The following SCHIP1 variants were observed in gnomAD, a reference collection of about 807,000 sequenced individuals.
SCHIP1 encodes schwannomin-interacting protein 1.
Under a neutral mutation model 29.7 loss-of-function variants are expected in SCHIP1, and 8 were observed. That is an observed-to-expected ratio of 0.27 (90% CI 0.16 to 0.49). The LOEUF (loss-of-function observed/expected upper bound fraction) is 0.49. Among genes scored for constraint, SCHIP1 ranks in the 20% least tolerant of loss-of-function variants. The pLI, the probability that SCHIP1 is intolerant of heterozygous loss-of-function variation, is 0.99. For missense variants in SCHIP1, 193 were observed against 294.6 expected, an observed-to-expected ratio of 0.66 and a Z score of 2.52; for synonymous variants, 76 against 94.9, an observed-to-expected ratio of 0.80 and a Z score of 1.16.
chr3:159,447,578 G>A, the SCHIP1 span, among the ~76,000 whole-genome samples: 2 of 152,124 alleles, frequency 1.3e-5, no homozygotes, highest in Admixed American at 1.3e-4. Context: ...CCATATGATT[G>A]ACAGGTATTA....
At chr3:159,325,822 T>C in the SCHIP1 span, among the ~76,000 whole-genome samples, 1 of 152,078 alleles carries the variant, frequency 6.6e-6, no homozygotes, top group Non-Finnish European at 1.5e-5. Context: ...TCTTAGTGTT[T>C]CTGATTTTGA....
the SCHIP1 span, among the ~76,000 whole-genome samples, chr3:159,592,241 A>G: frequency 6.6e-6 from 1 of 152,114 alleles, no homozygotes; most frequent in Non-Finnish European, 1.5e-5. Flanking sequence ...GGATCCATGA[A>G]AATCTGTAAT....
chr3:159,616,294 G>A, the SCHIP1 span, among the ~76,000 whole-genome samples: 1 of 152,156 alleles, frequency 6.6e-6, no homozygotes, highest in Non-Finnish European at 1.5e-5. Context: ...TAGAGACGGG[G>A]CTTCACCACG....
chr3:159,566,232 CCT>C, the SCHIP1 span, among the ~76,000 whole-genome samples: 5 of 152,288 alleles, frequency 3.3e-5, no homozygotes, highest in African/African-American at 1.2e-4. Flanking sequence ...GTCTCAGTTT[CCT>C]CTCAGTGCAC....
At chr3:159,697,464 C>T in the SCHIP1 span, among the ~76,000 whole-genome samples, 1 of 151,970 alleles carries the variant, frequency 6.6e-6, no homozygotes, top group African/African-American at 2.4e-5. Context: ...GGATATAATC[C>T]CATTAAGCTA....
the SCHIP1 span, among the ~76,000 whole-genome samples, chr3:159,349,249 C>T: frequency 6.6e-6 from 1 of 152,166 alleles, no homozygotes; most frequent in African/African-American, 2.4e-5. Flanking sequence ...TTTATTTTCA[C>T]CCATGTCGTG....
At chr3:159,801,960 G>A in the SCHIP1 span, among the ~76,000 whole-genome samples, 67 of 152,226 alleles carry the variant, frequency 4.4e-4, no homozygotes, top group African/African-American at 1.6e-3. Context: ...GTCATTATAA[G>A]TGTGATTGAC....
the SCHIP1 span, among the ~76,000 whole-genome samples, chr3:159,576,519 T>C: frequency 6.6e-6 from 1 of 152,356 alleles, no homozygotes; most frequent in East Asian, 1.9e-4. Context: ...TGCTTAATTT[T>C]GAGCCTCTAG....
intron 1 of SCHIP1, among the ~76,000 whole-genome samples, chr3:159,856,799 C>G (rs1713425343): frequency 1.3e-5 from 2 of 152,142 alleles, no homozygotes; most frequent in African/African-American, 4.8e-5. Context: ...AAAGTGAAGC[C>G]ACAGCTGCGC....
chr3:159,361,587 G>A, the SCHIP1 span, among the ~76,000 whole-genome samples: 1 of 152,160 alleles, frequency 6.6e-6, no homozygotes, highest in Non-Finnish European at 1.5e-5. Flanking sequence ...TGCTTGATAT[G>A]ACTTACATTA....
At chr3:159,496,837 A>G in the SCHIP1 span, among the ~76,000 whole-genome samples, 1 of 152,206 alleles carries the variant, frequency 6.6e-6, no homozygotes, top group Non-Finnish European at 1.5e-5. Context: ...TCACAATAGC[A>G]AAGACTTGGA....
At chr3:159,753,951 TA>T in the SCHIP1 span, among the ~76,000 whole-genome samples, 5 of 152,226 alleles carry the variant, frequency 3.3e-5, no homozygotes, top group Non-Finnish European at 7.3e-5. Flanking sequence ...GTGCATGCAC[TA>T]ACCACATGCT....
the SCHIP1 span, among the ~76,000 whole-genome samples, chr3:159,407,642 C>T: frequency 6.6e-6 from 1 of 152,182 alleles, no homozygotes; most frequent in African/African-American, 2.4e-5. Context: ...CTTCACAAAG[C>T]AAGTCATGAA....
the SCHIP1 span, among the ~76,000 whole-genome samples, chr3:159,299,152 C>T: frequency 6.6e-6 from 1 of 152,260 alleles, no homozygotes; most frequent in African/African-American, 2.4e-5. Flanking sequence ...ATATGGTTTA[C>T]TGAATTCTTT....
chr3:159,576,891 T>C, the SCHIP1 span, among the ~76,000 whole-genome samples: 1 of 152,254 alleles, frequency 6.6e-6, no homozygotes, highest in African/African-American at 2.4e-5. Context: ...TCTGCCTCTG[T>C]ATTTCCCTTA....
At chr3:159,385,634 G>A in the SCHIP1 span, among the ~76,000 whole-genome samples, 3 of 148,764 alleles carry the variant, frequency 2.0e-5, no homozygotes, top group African/African-American at 4.9e-5. Context: ...ATCTAATCCA[G>A]GCAACAAACA....
the SCHIP1 span, among the ~76,000 whole-genome samples, chr3:159,459,570 A>T: frequency 6.6e-6 from 1 of 151,964 alleles, no homozygotes; most frequent in Admixed American, 6.6e-5. Flanking sequence ...ACAAAAAAAA[A>T]TGTGATGCGG....
the SCHIP1 span, among the ~76,000 whole-genome samples, chr3:159,432,361 AGG>A: frequency 7.4e-5 from 11 of 148,660 alleles, no homozygotes; most frequent in African/African-American, 2.7e-4. Context: ...AGAGAGAGAG[AGG>A]GAGAGAGAGA....
the SCHIP1 span, among the ~76,000 whole-genome samples, chr3:159,502,746 G>T: frequency 6.6e-6 from 1 of 151,808 alleles, no homozygotes; most frequent in Non-Finnish European, 1.5e-5. Context: ...TTCTGACAAG[G>T]TTTGGGTAGG....
Sources: allele counts gnomAD v4.1 joint callset (sites outside exome capture counted in the v4.1 genomes callset), GRCh38; gene constraint gnomAD v4.1.1; transcripts MANE v1.5; gene names NCBI Gene and HGNC (gene_info 2026-07-23, HGNC 2026-07-21).